The following MAD1L1 variants were observed in gnomAD, a reference collection of about 807,000 sequenced individuals.
The protein encoded by MAD1L1 is mitotic spindle assembly checkpoint protein MAD1.
Under a neutral mutation model 96.9 loss-of-function variants are expected in MAD1L1, and 95 were observed. That is an observed-to-expected ratio of 0.98 (90% CI 0.83 to 1.16). The LOEUF is 1.16. Ranked by LOEUF, MAD1L1 falls within the 50% of genes most tolerant of loss-of-function variation. MAD1L1 has a pLI of 0.00. For synonymous variants in MAD1L1, 473 were observed against 396.6 expected, an observed-to-expected ratio of 1.19 and a Z score of -2.29; for missense variants, 1,007 against 954.4, an observed-to-expected ratio of 1.06 and a Z score of -0.73.
chr7:2,088,154 G>A lies in MAD1L1; in HGVS notation c.1074-18816C>T, dbSNP rs537416445. Among the ~76,000 whole-genome samples, 23 of 152,270 alleles carry A rather than the reference G, an allele frequency of 1.5e-4. No individual in the cohort carries two copies. Among genetic ancestry groups the A allele is most frequent in the Non-Finnish European group, 2.9e-4 (20 of 68,016 alleles). On this transcript the variant is annotated intron_variant, in intron 11 of 18. Coordinates refer to ENST00000265854, the MANE Select transcript of MAD1L1 (RefSeq NM_001013836.2). This position sits in a 1 kb window ranked among gnomAD's most constrained non-coding sequence, Gnocchi z 4.4. ...GCTGAGTGGAAATATGGGGGCCCAC[G>A]TGCATGGCCACAGAACAGTGGACGA...
rs188007914 is a variant in MAD1L1, at chr7:1,830,685, G to A, written c.1999-14457C>T. Among the ~76,000 whole-genome samples, 342 of 152,280 alleles carry A rather than the reference G, an allele frequency of 2.2e-3. 5 individuals are homozygous for A. Among genetic ancestry groups the A allele is most frequent in the Admixed American group, 0.015 (223 of 15,294 alleles). On this transcript the variant is annotated intron_variant, in intron 18 of 18. Coordinates refer to ENST00000265854, the MANE Select transcript of MAD1L1 (RefSeq NM_001013836.2). Reference sequence around the variant, plus strand: ...CAGGTTCTCACACTACACATAAGGCGGTGTCGTATCATTCGAGGATGACTG... The same window carrying A: ...CAGGTTCTCACACTACACATAAGGCAGTGTCGTATCATTCGAGGATGACTG...
At chr7:1,998,189 C>A (rs1219457344) in intron 14 of MAD1L1, among the ~76,000 whole-genome samples, 1 of 152,204 alleles carries the variant, frequency 6.6e-6, no homozygotes, top group Non-Finnish European at 1.5e-5. Context: ...GCCAGCACTC[C>A]AGGGGCGGCC....
chr7:2,060,104 T>A (rs1360417221), intron 12 of MAD1L1, among the ~76,000 whole-genome samples: 1 of 151,236 alleles, frequency 6.6e-6, no homozygotes, highest in African/African-American at 2.4e-5. Context: ...GATGCCGAGA[T>A]ACGCCGAAGC....
At chr7:2,043,657 C>G (rs1783792514) in intron 12 of MAD1L1, among the ~76,000 whole-genome samples, 1 of 152,216 alleles carries the variant, frequency 6.6e-6, no homozygotes, top group Non-Finnish European at 1.5e-5. Context: ...GGCTGGGGAT[C>G]CAGACTGGCT....
chr7:1,872,800 T>C (rs1258509515), intron 18 of MAD1L1: 1 of 152,238 alleles, frequency 6.6e-6, no homozygotes, highest in African/African-American at 2.4e-5. Flanking sequence ...GCTCCGAGCC[T>C]TCTGTGTGCT....
chr7:2,128,058 A>G (rs1331375408), intron 11 of MAD1L1, among the ~76,000 whole-genome samples: 4 of 152,194 alleles, frequency 2.6e-5, no homozygotes, highest in African/African-American at 4.8e-5. Flanking sequence ...TTTTTAAATC[A>G]CAGTCGTCGG....
At chr7:2,078,468 C>T (rs916096331) in intron 11 of MAD1L1, among the ~76,000 whole-genome samples, 4 of 152,224 alleles carry the variant, frequency 2.6e-5, no homozygotes, top group African/African-American at 9.6e-5. Flanking sequence ...CACGGGGCCT[C>T]CGCGGCTGAG....
chr7:2,062,998 G>A (rs763925623), intron 12 of MAD1L1, among the ~76,000 whole-genome samples: 1 of 152,120 alleles, frequency 6.6e-6, no homozygotes, highest in Non-Finnish European at 1.5e-5. Flanking sequence ...TGGGAAAAGC[G>A]GAGCAATGTT....
intron 10 of MAD1L1, among the ~76,000 whole-genome samples, chr7:2,158,057 G>A (rs1789925311): frequency 6.6e-6 from 1 of 152,256 alleles, no homozygotes; most frequent in African/African-American, 2.4e-5. Context: ...TGCAGTCCAA[G>A]CTGTGACATC....
intron 11 of MAD1L1, among the ~76,000 whole-genome samples, chr7:2,087,080 A>G (rs1785956071): frequency 1.3e-5 from 2 of 152,192 alleles, no homozygotes; most frequent in South Asian, 4.1e-4. Context: ...TTAAAAACGT[A>G]CCCACATGGC....
chr7:1,914,858 T>C (rs564766133), intron 17 of MAD1L1, among the ~76,000 whole-genome samples: 2 of 152,322 alleles, frequency 1.3e-5, no homozygotes, highest in African/African-American at 2.4e-5. Context: ...GGCAATCCCC[T>C]GTACCTGGGC....
At chr7:1,971,163 C>T (rs1335123858) in intron 15 of MAD1L1, among the ~76,000 whole-genome samples, 1 of 152,196 alleles carries the variant, frequency 6.6e-6, no homozygotes, top group African/African-American at 2.4e-5. Flanking sequence ...CGTGGAGATG[C>T]ACGCAGTGCC....
intron 10 of MAD1L1, among the ~76,000 whole-genome samples, chr7:2,205,332 CGTT>C (rs1792544139): frequency 1.3e-5 from 2 of 152,110 alleles, no homozygotes; most frequent in African/African-American, 4.8e-5. Context: ...CGTAACCAGA[CGTT>C]GTCAGATTCG....
intron 11 of MAD1L1, among the ~76,000 whole-genome samples, chr7:2,138,115 TG>T (rs771382092): frequency 1.8e-4 from 28 of 152,192 alleles, no homozygotes; most frequent in Non-Finnish European, 3.5e-4. Context: ...TCACCACCAC[TG>T]GGCAGCCCCT....
rs1021161550 is a variant in MAD1L1, at chr7:2,045,259, G to C, written c.1218+23935C>G. ...CCCCTGTATCCCTGTGAGAGCCCCC[G>C]TATCCCTGTGAGAGTCCTCGTATCC... On this transcript the variant is annotated intron_variant, in intron 12 of 18. Transcript: ENST00000265854. Among the ~76,000 whole-genome samples the C allele has an allele frequency of 2.0e-5, 3 of 152,070 alleles. No homozygotes were observed. The South Asian group carries it at 6.2e-4, about 32-fold the overall frequency.
intron 11 of MAD1L1, among the ~76,000 whole-genome samples, chr7:2,096,910 G>A (rs947587306): frequency 3.9e-5 from 6 of 152,134 alleles, no homozygotes; most frequent in African/African-American, 1.4e-4. Context: ...CAGCAGGTCT[G>A]CCACTGTACC....
intron 10 of MAD1L1, among the ~76,000 whole-genome samples, chr7:2,187,814 A>C (rs1055158385): frequency 6.6e-6 from 1 of 152,236 alleles, no homozygotes; most frequent in South Asian, 2.1e-4. Flanking sequence ...CTAACTGACC[A>C]ACAATAGTTA....
intron 11 of MAD1L1, among the ~76,000 whole-genome samples, chr7:2,106,625 G>C (rs974949933): frequency 6.6e-6 from 1 of 152,214 alleles, no homozygotes; most frequent in African/African-American, 2.4e-5. Context: ...CAGCCCACCA[G>C]ACCCAGGCTA....
At chr7:1,823,213 TA>T (rs1158353042) in intron 18 of MAD1L1, among the ~76,000 whole-genome samples, 5 of 151,830 alleles carry the variant, frequency 3.3e-5, no homozygotes, top group African/African-American at 7.3e-5. Flanking sequence ...CACACTTAGT[TA>T]AAAAAAAATT....
Sources: allele counts gnomAD v4.1 joint callset (sites outside exome capture counted in the v4.1 genomes callset), GRCh38; gene constraint gnomAD v4.1.1; non-coding constraint Gnocchi (gnomAD v3.1); transcripts MANE v1.5; gene names NCBI Gene and HGNC (gene_info 2026-07-23, HGNC 2026-07-21).